Variants in TNIP3 observed in about 807,000 individuals in gnomAD.
TNIP3 encodes the protein TNFAIP3 interacting protein 3, also known as TNFAIP3-interacting protein 3.
Under a neutral mutation model 54.1 loss-of-function variants are expected in TNIP3, and 34 were observed. The observed-to-expected ratio is 0.63, with a 90% confidence interval of 0.48 to 0.84. The LOEUF (loss-of-function observed/expected upper bound fraction) is 0.84. TNIP3 is among the 40% of genes least tolerant of loss of function. The pLI is 0.00. For synonymous variants in TNIP3, 134 were observed against 136.8 expected, an observed-to-expected ratio of 0.98 and a Z score of 0.14; for missense variants, 366 against 387.6, an observed-to-expected ratio of 0.94 and a Z score of 0.47.
At chr4:121,216,754 A>G (rs1726811314), upstream of TNIP3, 2 of 636,810 alleles carry the variant, frequency 3.1e-6, no homozygotes, top group Non-Finnish European at 4.7e-6. Flanking sequence ...GAATCTCATG[A>G]CAGGGAGAAA....
At chr4:121,172,418 T>G (rs1348232867) in intron 3 of TNIP3, among the ~76,000 whole-genome samples, 1 of 152,198 alleles carries the variant, frequency 6.6e-6, no homozygotes, top group African/African-American at 2.4e-5. Flanking sequence ...CTTTAGTGAT[T>G]GCCAGTGAGG....
rs1393767519 is a variant in TNIP3 at position 121,157,175 on chromosome 4, A to G, written c.282T>C (p.His94=). The G allele has an allele frequency of 6.2e-7, 1 of 1,602,006 alleles. No individual in the cohort carries two copies. Among genetic ancestry groups the G allele is most frequent in the Admixed American group, 1.7e-5 (1 of 59,926 alleles). Residue 94 remains histidine (H), a synonymous_variant, in exon 4 of 11, where the codon CAT becomes CAC. Coordinates refer to ENST00000057513, the MANE Select transcript of TNIP3 (RefSeq NM_024873.6). The part of the protein sequence containing the change: ...RFLSTREKDP[H]QRQRKDDRQR... ...GCCTGTCGTCCTTTCTCTGCCTCTG[A>G]TGCGGATCCTTCTCCCGCGTGCTGA...
At chr4:121,141,950 G>A (rs932146101) in intron 8 of TNIP3, 36 bp from the exon 9 acceptor site, 3 of 1,455,478 alleles carry the variant, frequency 2.1e-6, no homozygotes, top group Non-Finnish European at 2.8e-6. Flanking sequence ...ACTACCAGTG[G>A]GAGAGACTGA....
chr4:121,164,490 A>T, upstream of TNIP3: 1 of 360,372 alleles, frequency 2.8e-6, no homozygotes, highest in Non-Finnish European at 4.0e-6. Flanking sequence ...CCACTGGAGG[A>T]GGAAGTTCTC....
chr4:121,195,433 A>G (rs949021150), intron 2 of TNIP3, among the ~76,000 whole-genome samples: 3 of 152,200 alleles, frequency 2.0e-5, no homozygotes, highest in African/African-American at 7.2e-5. Flanking sequence ...TATAAAACCC[A>G]AGTATTATGG....
intron 2 of TNIP3, among the ~76,000 whole-genome samples, chr4:121,209,441 A>G (rs1726360139): frequency 6.6e-6 from 1 of 152,214 alleles, no homozygotes; most frequent in East Asian, 1.9e-4. Flanking sequence ...TGTCAACACC[A>G]AATTGAATTA....
chr4:121,214,695 T>C (rs1198435413), intron 2 of TNIP3, among the ~76,000 whole-genome samples: 2 of 152,198 alleles, frequency 1.3e-5, no homozygotes, highest in East Asian at 1.9e-4. Flanking sequence ...TTCCTAGAAG[T>C]TGTTCAACAT....
chr4:121,194,652 T>C (rs1725469903), intron 2 of TNIP3, among the ~76,000 whole-genome samples: 1 of 152,150 alleles, frequency 6.6e-6, no homozygotes, highest in African/African-American at 2.4e-5. Flanking sequence ...TCATAATATT[T>C]AAAGTTCAAA....
At chr4:121,216,526 T>A in intron 1 of TNIP3, 1 of 1,534,996 alleles carries the variant, frequency 6.5e-7, no homozygotes, top group Non-Finnish European at 8.7e-7. Flanking sequence ...ATGAAGGACA[T>A]GAGGCTCAGA....
intron 10 of TNIP3, among the ~76,000 whole-genome samples, chr4:121,133,543 G>A (rs534434358): frequency 6.6e-6 from 1 of 152,160 alleles, no homozygotes; most frequent in East Asian, 1.9e-4. Context: ...CCTCTCCCTA[G>A]GTATCTTAAA....
chr4:121,184,748 A>G (rs927826593), intron 2 of TNIP3, among the ~76,000 whole-genome samples: 1 of 152,208 alleles, frequency 6.6e-6, no homozygotes, highest in African/African-American at 2.4e-5. Context: ...CAGGCTGTGA[A>G]ATATCTGTAC....
intron 6 of TNIP3, among the ~76,000 whole-genome samples, chr4:121,149,388 C>A (rs1384235178): frequency 6.6e-6 from 1 of 152,162 alleles, no homozygotes; most frequent in Non-Finnish European, 1.5e-5. Context: ...TGTGCGAAGG[C>A]CTAGAGGCTA....
intron 1 of TNIP3, among the ~76,000 whole-genome samples, chr4:121,163,604 T>C (rs1218810424): frequency 6.6e-6 from 1 of 152,190 alleles, no homozygotes. Context: ...AGTTTCCCAT[T>C]ATACCTTGGT....
At chr4:121,194,030 G>A (rs1229840109) in intron 2 of TNIP3, among the ~76,000 whole-genome samples, 2 of 152,100 alleles carry the variant, frequency 1.3e-5, no homozygotes, top group African/African-American at 2.4e-5. Flanking sequence ...ATCCTGGATT[G>A]GAGCCTTTTT....
At chr4:121,174,161 G>C (rs1370538750) in intron 3 of TNIP3, among the ~76,000 whole-genome samples, 3 of 152,130 alleles carry the variant, frequency 2.0e-5, no homozygotes, top group Non-Finnish European at 1.5e-5. Context: ...AGGTGAAAGA[G>C]AACTACCTTC....
At chr4:121,191,286 A>G (rs1242489493) in intron 2 of TNIP3, among the ~76,000 whole-genome samples, 1 of 152,186 alleles carries the variant, frequency 6.6e-6, no homozygotes, top group African/African-American at 2.4e-5. Flanking sequence ...AAAACTTGGC[A>G]CTTGATCTAA....
intron 1 of TNIP3, among the ~76,000 whole-genome samples, chr4:121,163,366 G>C (rs572938597): frequency 1.3e-5 from 2 of 152,222 alleles, no homozygotes; most frequent in African/African-American, 4.8e-5. Context: ...GCTAATGAAG[G>C]CATCTGATTT....
upstream of TNIP3, among the ~76,000 whole-genome samples, chr4:121,219,293 C>T (rs758000417): frequency 2.0e-5 from 3 of 152,182 alleles, no homozygotes; most frequent in Admixed American, 6.5e-5. Context: ...AAACACATGT[C>T]TTTGTTTCCA....
At chr4:121,217,590 C>A (rs2148851056), upstream of TNIP3, among the ~76,000 whole-genome samples, 1 of 152,120 alleles carries the variant, frequency 6.6e-6, no homozygotes, top group East Asian at 1.9e-4. Context: ...ACTAGTAGAG[C>A]TATGTTTTAA....
Sources: gnomAD v4.1 joint callset for allele counts (sites outside exome capture counted in the v4.1 genomes callset) on GRCh38, gnomAD v4.1.1 for gene constraint, MANE v1.5 for transcripts, NCBI Gene and HGNC (gene_info 2026-07-23, HGNC 2026-07-21) for gene names.